The following LMX1B variants were observed in gnomAD, a reference collection of about 807,000 sequenced individuals.
LMX1B encodes LIM homeobox transcription factor 1 beta.
In LMX1B, 12 loss-of-function variants were observed where a neutral mutation model predicts 51.4. The ratio of observed to expected loss-of-function variants is 0.23; its 90% CI spans 0.15 to 0.38. The LOEUF is 0.38. Among genes scored for constraint, LMX1B ranks in the 10% least tolerant of loss-of-function variants. The pLI, the probability that LMX1B is intolerant of heterozygous loss-of-function variation, is 1.00. For synonymous variants in LMX1B, 237 were observed against 235.4 expected (o/e 1.01, Z -0.06); for missense variants, 445 against 571.1 (o/e 0.78, Z 2.25).
rs1835258458 is a variant in LMX1B, at chr9:126,614,426, G to C, written c.-24G>C. 4 of 1,464,872 alleles carry C rather than the reference G, an allele frequency of 2.7e-6. No individual in the cohort carries two copies. The highest frequency in any genetic ancestry group is 1.5e-5 in the African/African-American group (1 of 68,104). The allele number at this position is 1,464,872 out of a possible 1,614,324, so 90.7% of individuals were successfully genotyped here. ...GGCGGGCGAGCAGCCCGGCCGGCGG[G>C]GTCCGCAGCGCGCCCCGCGTCCCAT... On this transcript the variant is annotated 5_prime_UTR_variant, in exon 1 of 8. Transcript: ENST00000373474.
chr9:126,637,828 C>A (rs1350961495), intron 2 of LMX1B, among the ~76,000 whole-genome samples: 2 of 131,698 alleles, frequency 1.5e-5, no homozygotes, highest in Non-Finnish European at 1.7e-5. Flanking sequence ...GTCCTCCCCC[C>A]CCCCCGCCCC....
At chr9:126,676,328 C>G (rs1031339640) in intron 2 of LMX1B, among the ~76,000 whole-genome samples, 5 of 152,228 alleles carry the variant, frequency 3.3e-5, no homozygotes, top group African/African-American at 1.2e-4. Context: ...GTGGCCTTCT[C>G]TGACTTGCTC....
At chr9:126,648,586 G>T (rs1198205324) in intron 2 of LMX1B, among the ~76,000 whole-genome samples, 1 of 152,196 alleles carries the variant, frequency 6.6e-6, no homozygotes, top group East Asian at 1.9e-4. Context: ...GGCATGAGAG[G>T]ACTGGGGACG....
chr9:126,615,501 T>C lies in LMX1B; in HGVS notation c.258T>C (p.Cys86=), dbSNP rs1835286357. ...WHEECLQCAA[C]QQALTTSCYF... ...AGGAGTGTTTGCAGTGCGCGGCGTG[T>C]CAGCAAGCCCTCACCACCAGCTGCT... The change falls in exon 2 of 8, where the codon TGT becomes TGC. Residue 86 remains cysteine (C), a synonymous_variant. Transcript: ENST00000373474. This position sits in a 1 kb window ranked among gnomAD's most constrained non-coding sequence, Gnocchi z 6.0. The C allele has an allele frequency of 6.2e-7, 1 of 1,611,834 alleles. No individual in the cohort carries two copies. Among genetic ancestry groups the C allele is most frequent in the African/African-American group, 1.3e-5 (1 of 74,836 alleles).
chr9:126,694,945 C>A (rs2030272824), intron 6 of LMX1B, among the ~76,000 whole-genome samples: 1 of 152,132 alleles, frequency 6.6e-6, no homozygotes, highest in Non-Finnish European at 1.5e-5. Context: ...ACATGGCATG[C>A]CCTGCTCCTC....
intron 2 of LMX1B, among the ~76,000 whole-genome samples, chr9:126,675,659 A>G (rs1836540051): frequency 6.7e-6 from 1 of 149,530 alleles, no homozygotes; most frequent in South Asian, 2.1e-4. Flanking sequence ...CGGGAGGCAG[A>G]GGTTGCGGTG....
rs1158902520 is a variant in LMX1B, at chr9:126,673,852, A to C, written c.327-16984A>C. ...GAAATGGCCTGCCAGTGTGTGTGTG[A>C]GTGTGCGCCTGTGGCAGCAGCAGAG... On this transcript the variant is annotated intron_variant, in intron 2 of 7. Transcript: ENST00000373474. This position sits in a 1 kb window ranked among gnomAD's most constrained non-coding sequence, Gnocchi z 4.4. Among the ~76,000 whole-genome samples the C allele has an allele frequency of 2.0e-5, 3 of 152,046 alleles. No individual in the cohort carries two copies. Among genetic ancestry groups the C allele is most frequent in the Admixed American group, 1.3e-4 (2 of 15,258 alleles).
chr9:126,614,376 G>A lies in LMX1B; in HGVS notation c.-74G>A, dbSNP rs945477694. 283 of 1,154,800 alleles carry A rather than the reference G, an allele frequency of 2.5e-4. No homozygotes were observed. The highest frequency in any genetic ancestry group is 2.7e-4 in the Non-Finnish European group (248 of 929,246). The allele number at this position is 1,154,800 out of a possible 1,614,324, so 71.5% of individuals were successfully genotyped here. A position where few individuals can be genotyped will look rare whatever the true frequency, so the allele number is the denominator to read the frequency against. On this transcript the variant is annotated 5_prime_UTR_variant, in exon 1 of 8. Coordinates refer to ENST00000373474, the MANE Select transcript of LMX1B (RefSeq NM_001174147.2). ...GCGCCTCCCCGGTTCCAGGGCCGCGGCGGCGGAGAGCGGGTGGACGGGCCG... is the reference window on the plus strand; with the variant it reads ...GCGCCTCCCCGGTTCCAGGGCCGCGACGGCGGAGAGCGGGTGGACGGGCCG...
chr9:126,696,464 C>A lies in LMX1B; in HGVS notation c.*13C>A, dbSNP rs375458623. The A allele has an allele frequency of 6.2e-7, 1 of 1,613,684 alleles. No homozygotes were observed. The highest frequency in any genetic ancestry group is 8.5e-7 in the Non-Finnish European group (1 of 1,179,816). On this transcript the variant is annotated 3_prime_UTR_variant, in exon 8 of 8. Coordinates refer to ENST00000373474, the MANE Select transcript of LMX1B (RefSeq NM_001174147.2). ...CTTCGCCTCCTGAGAGCCAGCCAGG[C>A]GCACGGACGCTTGGGCAGGGGCCTG...
At chr9:126,661,128 C>T (rs1357116095) in intron 2 of LMX1B, among the ~76,000 whole-genome samples, 1 of 152,196 alleles carries the variant, frequency 6.6e-6, no homozygotes, top group Non-Finnish European at 1.5e-5. Flanking sequence ...TAGACACGCC[C>T]ATACACAGGA....
At chr9:126,640,981 T>C (rs1246956417) in intron 2 of LMX1B, 1 of 152,286 alleles carries the variant, frequency 6.6e-6, no homozygotes, top group Non-Finnish European at 1.5e-5. Context: ...AAACAGCCTC[T>C]GGGGAAAAGG....
chr9:126,655,908 T>A (rs1278338338), intron 2 of LMX1B, among the ~76,000 whole-genome samples: 1 of 152,184 alleles, frequency 6.6e-6, no homozygotes, highest in Non-Finnish European at 1.5e-5. Flanking sequence ...ACCTGCTACT[T>A]CCCAAAAGGG....
chr9:126,638,783 C>G (rs1021318690), intron 2 of LMX1B, among the ~76,000 whole-genome samples: 1 of 152,156 alleles, frequency 6.6e-6, no homozygotes, highest in Non-Finnish European at 1.5e-5. Flanking sequence ...GCCGGCGGCG[C>G]GGGCGCCCGA....
intron 2 of LMX1B, among the ~76,000 whole-genome samples, chr9:126,637,649 G>A (rs1055489491): frequency 6.6e-6 from 1 of 152,072 alleles, no homozygotes; most frequent in Non-Finnish European, 1.5e-5. Flanking sequence ...TATGGATGTG[G>A]GCTGGGTGTG....
rs555249395 is a variant in LMX1B at position 126,675,189 on chromosome 9, CA to C, written c.327-15646del. On this transcript the variant is annotated intron_variant, in intron 2 of 7. Transcript: ENST00000373474. Reference sequence around the variant, plus strand: ...AACAAAACAAAACCCCCCCAAAATACACCCAAAACCAGGCCGGGAGGGGAAT... The same window carrying C: ...AACAAAACAAAACCCCCCCAAAATACCCCAAAACCAGGCCGGGAGGGGAAT... Among the ~76,000 whole-genome samples the C allele has an allele frequency of 1.3e-3, 199 of 152,136 alleles. 1 individual carries two copies. Among genetic ancestry groups the C allele is most frequent in the Non-Finnish European group, 2.1e-3 (144 of 68,004 alleles).
rs547202850 is a variant in LMX1B at position 126,641,606 on chromosome 9, G to T, written c.326+26037G>T. Among the ~76,000 whole-genome samples, 3 of 152,180 alleles carry T rather than the reference G, an allele frequency of 2.0e-5. No individual in the cohort carries two copies. In the South Asian group the frequency reaches 6.2e-4, roughly 32 times the overall value. On this transcript the variant is annotated intron_variant, in intron 2 of 7. Coordinates refer to ENST00000373474, the MANE Select transcript of LMX1B (RefSeq NM_001174147.2). This position sits in a 1 kb window ranked among gnomAD's most constrained non-coding sequence, Gnocchi z 4.1. ...GTTCCTCCCTGTCTTGCCACCTCCC[G>T]CTTCTGTTCAGCAGCTCAAGTTTCT...
chr9:126,622,878 T>G (rs1188430288), intron 2 of LMX1B, among the ~76,000 whole-genome samples: 1 of 152,216 alleles, frequency 6.6e-6, no homozygotes, highest in African/African-American at 2.4e-5. Flanking sequence ...CCAAGGGCCT[T>G]TAGGGAAGGA....
At chr9:126,652,004 G>GC (rs201585443) in intron 2 of LMX1B, among the ~76,000 whole-genome samples, 3 of 151,914 alleles carry the variant, frequency 2.0e-5, no homozygotes, top group Non-Finnish European at 2.9e-5. Context: ...CAGAGATGGG[G>GC]GGGGGCCTGC....
At chr9:126,639,188 G>A (rs569806319) in intron 2 of LMX1B, among the ~76,000 whole-genome samples, 1 of 152,176 alleles carries the variant, frequency 6.6e-6, no homozygotes, top group East Asian at 1.9e-4. Flanking sequence ...AGACAGTGAG[G>A]CAGGGGCAGA....
Sources: allele counts gnomAD v4.1 joint callset (sites outside exome capture counted in the v4.1 genomes callset), GRCh38; gene constraint gnomAD v4.1.1; non-coding constraint Gnocchi (gnomAD v3.1); transcripts MANE v1.5; gene names NCBI Gene and HGNC (gene_info 2026-07-23, HGNC 2026-07-21).